APP: variants seen among roughly 807,000 people sequenced by gnomAD.
APP encodes amyloid beta precursor protein.
Under a neutral mutation model 101.4 loss-of-function variants are expected in APP, and 31 were observed. The ratio of observed to expected loss-of-function variants is 0.31; its 90% confidence interval spans 0.23 to 0.41. The LOEUF (loss-of-function observed/expected upper bound fraction) is 0.41, where lower values mean the gene tolerates loss of function less well. Among genes scored for constraint, APP ranks in the 10% least tolerant of loss-of-function variants. APP has a pLI of 1.00. For missense variants in APP, 839 were observed against 1,003.7 expected, an observed-to-expected ratio of 0.84 and a Z score of 2.22; for synonymous variants, 366 against 364.4, an observed-to-expected ratio of 1.00 and a Z score of -0.05.
intron 1 of APP, among the ~76,000 whole-genome samples, chr21:26,134,581 C>T (rs1195238133): frequency 6.6e-6 from 1 of 152,186 alleles, no homozygotes; most frequent in Non-Finnish European, 1.5e-5. Flanking sequence ...GACATCCAAC[C>T]CTCCAGGAAC....
intron 1 of APP, among the ~76,000 whole-genome samples, chr21:26,160,200 A>C (rs1165166135): frequency 6.6e-6 from 1 of 152,208 alleles, no homozygotes; most frequent in African/African-American, 2.4e-5. Context: ...AAGCAGGAAT[A>C]AGTGATTCCA....
At chr21:25,956,784 C>T (rs1332680990) in intron 11 of APP, among the ~76,000 whole-genome samples, 1 of 152,104 alleles carries the variant, frequency 6.6e-6, no homozygotes, top group East Asian at 1.9e-4. Flanking sequence ...ATGGGATGTG[C>T]CTCTCCTTCC....
intron 6 of APP, among the ~76,000 whole-genome samples, chr21:26,007,497 T>C (rs1184203830): frequency 6.7e-6 from 1 of 148,388 alleles, no homozygotes; most frequent in East Asian, 1.9e-4. Flanking sequence ...CAATATACAA[T>C]TTATATACAT....
chr21:26,003,268 G>A (rs906410343), intron 6 of APP, among the ~76,000 whole-genome samples: 2 of 152,222 alleles, frequency 1.3e-5, no homozygotes, highest in African/African-American at 4.8e-5. Context: ...TAAGCTACAC[G>A]TTGAGCCTAC....
intron 2 of APP, among the ~76,000 whole-genome samples, chr21:26,092,394 C>T (rs1241461938): frequency 6.6e-6 from 1 of 152,088 alleles, no homozygotes; most frequent in Non-Finnish European, 1.5e-5. Flanking sequence ...ACTAATATTG[C>T]TAAGTGAAAG....
At chr21:25,961,495 T>C (rs1199370729) in intron 11 of APP, among the ~76,000 whole-genome samples, 3 of 152,092 alleles carry the variant, frequency 2.0e-5, no homozygotes, top group African/African-American at 7.2e-5. Flanking sequence ...AAAAAAGACC[T>C]CCCTCCTTTT....
chr21:26,016,679 C>G (rs1443321872), intron 6 of APP, among the ~76,000 whole-genome samples: 1 of 152,248 alleles, frequency 6.6e-6, no homozygotes, highest in Non-Finnish European at 1.5e-5. Flanking sequence ...TCAAGCGATT[C>G]TCCTGCCTCA....
chr21:25,936,322 G>T (rs2146414864), intron 13 of APP, among the ~76,000 whole-genome samples: 1 of 152,366 alleles, frequency 6.6e-6, no homozygotes, highest in East Asian at 1.9e-4. Context: ...GGGAGGGCAA[G>T]GCAGGTGGAT....
At chr21:26,108,287 A>G (rs1253015367) in intron 2 of APP, among the ~76,000 whole-genome samples, 1 of 152,244 alleles carries the variant, frequency 6.6e-6, no homozygotes, top group Non-Finnish European at 1.5e-5. Flanking sequence ...ACATATTCAA[A>G]ACATAACTAT....
At chr21:25,955,847 C>A in intron 11 of APP, 92 bp from the exon 12 acceptor site, 1 of 1,580,050 alleles carries the variant, frequency 6.3e-7, no homozygotes. Context: ...CTAATGCATC[C>A]GGTCATGTGA....
At chr21:25,999,444 G>A (rs1338343089) in intron 7 of APP, among the ~76,000 whole-genome samples, 7 of 152,096 alleles carry the variant, frequency 4.6e-5, no homozygotes, top group South Asian at 2.1e-4. Flanking sequence ...GGGGCAAGAC[G>A]GGCACTTCTA....
chr21:25,984,310 A>T (rs1275152973), intron 8 of APP, among the ~76,000 whole-genome samples: 1 of 152,198 alleles, frequency 6.6e-6, no homozygotes, highest in Admixed American at 6.5e-5. Context: ...AACTAACAAA[A>T]AATAAATAAA....
At chr21:25,921,012 A>T (rs1417391921) in intron 13 of APP, among the ~76,000 whole-genome samples, 1 of 146,982 alleles carries the variant, frequency 6.8e-6, no homozygotes, top group African/African-American at 2.6e-5. Flanking sequence ...AAAGAACAGA[A>T]ATTATAACAA....
chr21:26,004,848 T>C (rs1406437156), intron 6 of APP, among the ~76,000 whole-genome samples: 1 of 100,478 alleles, frequency 1.0e-5, no homozygotes, highest in Non-Finnish European at 1.8e-5. Flanking sequence ...TTCCCCGCCC[T>C]GTGTCCAAGT....
intron 13 of APP, chr21:25,942,985 C>CT (rs1288549403): frequency 1.3e-5 from 2 of 152,142 alleles, no homozygotes; most frequent in African/African-American, 4.8e-5. Flanking sequence ...CCCTGGCAAT[C>CT]AGCATTCTAC....
At chr21:26,082,769 C>A (rs1339466399) in intron 3 of APP, among the ~76,000 whole-genome samples, 2 of 152,178 alleles carry the variant, frequency 1.3e-5, no homozygotes, top group Non-Finnish European at 2.9e-5. Flanking sequence ...GGCCCACTAT[C>A]AACTCTGTAA....
At chr21:26,092,545 T>C (rs1015663313) in intron 2 of APP, among the ~76,000 whole-genome samples, 2 of 152,146 alleles carry the variant, frequency 1.3e-5, no homozygotes, top group Non-Finnish European at 2.9e-5. Flanking sequence ...GATGAACAGA[T>C]AGAGCACAGA....
chr21:26,152,224 G>C (rs2063288575), intron 1 of APP, among the ~76,000 whole-genome samples: 1 of 138,678 alleles, frequency 7.2e-6, no homozygotes, highest in South Asian at 2.3e-4. Context: ...GGCGGAGCTT[G>C]CAGTGAGCCG....
chr21:26,126,273 T>C (rs2830069), intron 1 of APP, among the ~76,000 whole-genome samples: 1 of 152,168 alleles, frequency 6.6e-6, no homozygotes, highest in African/African-American at 2.4e-5. Context: ...TTTAGGTAAT[T>C]AGAATAGAAG....
Sources: allele counts gnomAD v4.1 joint callset (sites outside exome capture counted in the v4.1 genomes callset), GRCh38; gene constraint gnomAD v4.1.1; transcripts MANE v1.5; gene names NCBI Gene and HGNC (gene_info 2026-07-23, HGNC 2026-07-21).